Variants in CSMD1 observed in about 807,000 individuals in gnomAD.
The protein encoded by CSMD1 is CUB and sushi domain-containing protein 1.
A neutral mutation model predicts 417.5 loss-of-function variants in CSMD1; 213 were observed. The observed-to-expected ratio is 0.51, with a 90% confidence interval of 0.46 to 0.57. CSMD1 has a LOEUF of 0.57. Ranked by LOEUF, CSMD1 falls within the 20% of genes least tolerant of loss-of-function variation. The pLI, the probability that CSMD1 is intolerant of heterozygous loss-of-function variation, is 0.00. For synonymous variants in CSMD1, 2,862 were observed against 1,736.8 expected (o/e 1.65, Z -16.11); for missense variants, 6,923 against 4,529.7 (o/e 1.53, Z -15.17).
chr8:4,446,993 G>T (rs1004845707), intron 2 of CSMD1, among the ~76,000 whole-genome samples: 1 of 151,878 alleles, frequency 6.6e-6, no homozygotes, highest in African/African-American at 2.4e-5. Context: ...GGGTGGAGTG[G>T]TAAGAAACTG....
At chr8:3,541,679 T>A (rs10091887) in intron 10 of CSMD1, among the ~76,000 whole-genome samples, 5,882 of 149,574 alleles carry the variant, frequency 0.039, 338 homozygotes, top group African/African-American at 0.12. Flanking sequence ...GGACACCCTA[T>A]AATTAGTACT....
At chr8:4,503,500 A>G (rs1282389449) in intron 2 of CSMD1, among the ~76,000 whole-genome samples, 2 of 152,202 alleles carry the variant, frequency 1.3e-5, no homozygotes, top group Non-Finnish European at 2.9e-5. Flanking sequence ...TATTCTTAGA[A>G]AATCCAAGCA....
chr8:4,847,954 C>A (rs897979335), intron 1 of CSMD1, among the ~76,000 whole-genome samples: 2 of 152,148 alleles, frequency 1.3e-5, no homozygotes, highest in South Asian at 2.1e-4. Flanking sequence ...GCACCACCCC[C>A]CATCCCTTCA....
chr8:3,951,484 C>T (rs952426376), intron 5 of CSMD1, among the ~76,000 whole-genome samples: 1 of 152,098 alleles, frequency 6.6e-6, no homozygotes, highest in Non-Finnish European at 1.5e-5. Context: ...ATTCCAACTG[C>T]TTGAATAACA....
chr8:4,838,687 C>T (rs936160181), intron 1 of CSMD1, among the ~76,000 whole-genome samples: 1 of 152,166 alleles, frequency 6.6e-6, no homozygotes, highest in African/African-American at 2.4e-5. Flanking sequence ...TATAAGAGAC[C>T]TTTATTTGCA....
intron 2 of CSMD1, among the ~76,000 whole-genome samples, chr8:4,491,198 A>G (rs996787130): frequency 6.6e-6 from 1 of 152,334 alleles, no homozygotes; most frequent in East Asian, 1.9e-4. Context: ...TGAACTTAAA[A>G]TACAAGTTAA....
In CSMD1 at chr8:3,396,254, A is replaced by C; in HGVS notation, c.2533T>G (p.Tyr845Asp). ...QFLISTGNFMYLLFTTDNSRS... is the reference protein window; with the variant it reads ...QFLISTGNFMDLLFTTDNSRS... ...CTGTTGTCAGTGGTGAACAGCAGGT[A>C]CATGAAGTTCCCGGTGCTGATGAGG... The change falls in exon 17 of 70, where the codon TAC becomes GAC. Residue 845 changes from tyrosine (Y) to aspartate (D), a missense_variant. Coordinates refer to ENST00000635120, the MANE Select transcript of CSMD1 (RefSeq NM_033225.6). The C allele has an allele frequency of 6.3e-7, 1 of 1,582,848 alleles. No homozygotes were observed. Among genetic ancestry groups the C allele is most frequent in the Non-Finnish European group, 8.6e-7 (1 of 1,164,194 alleles).
chr8:3,522,696 G>C (rs912285148), intron 10 of CSMD1, among the ~76,000 whole-genome samples: 1 of 151,882 alleles, frequency 6.6e-6, no homozygotes, highest in Non-Finnish European at 1.5e-5. Flanking sequence ...AGTCGTCCCG[G>C]TACATTCACA....
intron 5 of CSMD1, among the ~76,000 whole-genome samples, chr8:3,919,256 G>A (rs995151647): frequency 4.8e-5 from 7 of 144,912 alleles, no homozygotes; most frequent in Middle Eastern, 7.2e-3. Flanking sequence ...TTTAAAAAAT[G>A]TTTTCTTCTA....
At chr8:4,272,829 C>A (rs1804691191) in intron 3 of CSMD1, among the ~76,000 whole-genome samples, 2 of 152,144 alleles carry the variant, frequency 1.3e-5, no homozygotes. Context: ...TTGCTTGTAT[C>A]AGTCTTGATG....
intron 5 of CSMD1, among the ~76,000 whole-genome samples, chr8:3,942,825 G>T (rs1470470480): frequency 6.6e-6 from 1 of 152,044 alleles, no homozygotes; most frequent in African/African-American, 2.4e-5. Context: ...TAACCATAAG[G>T]GCAATGATTG....
chr8:3,327,026 A>G (rs1806577349), intron 23 of CSMD1, among the ~76,000 whole-genome samples: 1 of 152,162 alleles, frequency 6.6e-6, no homozygotes, highest in Non-Finnish European at 1.5e-5. Context: ...AAAAGGAAAA[A>G]AAAAAGACAA....
intron 2 of CSMD1, among the ~76,000 whole-genome samples, chr8:4,541,493 AT>A (rs1797383688): frequency 1.3e-5 from 2 of 152,078 alleles, no homozygotes; most frequent in Non-Finnish European, 2.9e-5. Flanking sequence ...CACACCTGTA[AT>A]CCCCACACTT....
chr8:4,342,229 G>C (rs149196340), intron 3 of CSMD1, among the ~76,000 whole-genome samples: 10 of 22,322 alleles, frequency 4.5e-4, no homozygotes, highest in Middle Eastern at 0.026. Flanking sequence ...GTGTGTGTGT[G>C]TGTCTGTGTG....
At chr8:3,963,658 C>G (rs763021289) in intron 5 of CSMD1, among the ~76,000 whole-genome samples, 2 of 152,048 alleles carry the variant, frequency 1.3e-5, no homozygotes, top group Non-Finnish European at 2.9e-5. Flanking sequence ...AAGCTATGTG[C>G]GTATGATTTT....
chr8:4,700,335 T>C (rs1563169866), intron 1 of CSMD1, among the ~76,000 whole-genome samples: 1 of 151,924 alleles, frequency 6.6e-6, no homozygotes, highest in Non-Finnish European at 1.5e-5. Context: ...CATTAATCTA[T>C]TATTTATAAT....
At chr8:4,424,522 C>G (rs1480855683) in intron 2 of CSMD1, among the ~76,000 whole-genome samples, 2 of 151,672 alleles carry the variant, frequency 1.3e-5, no homozygotes, top group Admixed American at 1.3e-4. Context: ...ATCAGAATAG[C>G]TGAAATAAAA....
intron 10 of CSMD1, among the ~76,000 whole-genome samples, chr8:3,496,531 C>G (rs1796372037): frequency 6.6e-6 from 1 of 152,140 alleles, no homozygotes; most frequent in East Asian, 1.9e-4. Context: ...ACTGCTTTTA[C>G]TATATCTCAT....
chr8:4,766,496 G>A lies in CSMD1; in HGVS notation c.86-128938C>T, dbSNP rs1489058442. On this transcript the variant is annotated intron_variant, in intron 1 of 69. Coordinates refer to ENST00000635120, the MANE Select transcript of CSMD1 (RefSeq NM_033225.6). Reference sequence around the variant, plus strand: ...AAGAGAGCTGCAACCAGAAAGTCAGGCAACTATGCAACGACCTAAAATTCA... The same window carrying A: ...AAGAGAGCTGCAACCAGAAAGTCAGACAACTATGCAACGACCTAAAATTCA... 3.9e-5 allele frequency among the ~76,000 whole-genome samples: 6 copies of A among 152,192 alleles called. No homozygotes were observed. In the East Asian group the frequency reaches 1.2e-3, roughly 29 times the overall value.
Sources: allele counts gnomAD v4.1 joint callset (sites outside exome capture counted in the v4.1 genomes callset), GRCh38; gene constraint gnomAD v4.1.1; transcripts MANE v1.5; gene names NCBI Gene and HGNC (gene_info 2026-07-23, HGNC 2026-07-21).